AGMO: variants seen among roughly 807,000 people sequenced by gnomAD.
AGMO encodes alkylglycerol monooxygenase, also known as glyceryl-ether monooxygenase.
In AGMO, 75 loss-of-function variants were observed where a neutral mutation model predicts 60.2. The observed-to-expected ratio is 1.25, with a 90% CI of 1.03 to 1.51. The LOEUF is 1.51. Ranked by LOEUF, AGMO falls within the 40% of genes most tolerant of loss-of-function variation. The pLI is 0.00. For missense variants in AGMO, 763 were observed against 525.5 expected (o/e 1.45, Z -4.42); for synonymous variants, 261 against 177.1 (o/e 1.47, Z -3.76).
chr7:15,338,910 A>G (rs1238275876), intron 12 of AGMO, among the ~76,000 whole-genome samples: 1 of 152,204 alleles, frequency 6.6e-6, no homozygotes, highest in Non-Finnish European at 1.5e-5. Flanking sequence ...AACAATGTGG[A>G]CAGTAGAAGG....
chr7:15,145,668 T>C, the AGMO span, among the ~76,000 whole-genome samples: 3 of 152,166 alleles, frequency 2.0e-5, no homozygotes, highest in African/African-American at 7.2e-5. Context: ...CTTTTCACCT[T>C]TCACGTATTT....
intron 12 of AGMO, among the ~76,000 whole-genome samples, chr7:15,257,526 G>T (rs1783132315): frequency 6.6e-6 from 1 of 152,126 alleles, no homozygotes; most frequent in Non-Finnish European, 1.5e-5. Flanking sequence ...TATAAAAAAA[G>T]ATAAACTTCT....
intron 12 of AGMO, among the ~76,000 whole-genome samples, chr7:15,293,936 G>T (rs1366769714): frequency 6.6e-6 from 1 of 151,408 alleles, no homozygotes; most frequent in African/African-American, 2.5e-5. Context: ...ATGTTATTAG[G>T]TAAAGTTGAA....
At chr7:15,483,818 G>A (rs1782837137) in intron 3 of AGMO, among the ~76,000 whole-genome samples, 3 of 151,686 alleles carry the variant, frequency 2.0e-5, no homozygotes, top group African/African-American at 7.3e-5. Flanking sequence ...TTTTTTGAGG[G>A]ACTGTGCAAG....
Position 15,374,915 on chromosome 7 carries a change from T to C in AGMO, c.1075-8693A>G, listed in dbSNP as rs529576521. ...GTCAAGTCTTTAGCAAGTCAGCTCA[T>C]GCGTGATACCCTGAAGAAATTATCC... On this transcript the variant is annotated intron_variant, in intron 10 of 12. Transcript: ENST00000342526. Among the ~76,000 whole-genome samples the C allele has an allele frequency of 9.5e-4, 145 of 152,212 alleles. 1 individual carries two copies. Among genetic ancestry groups the C allele is most frequent in the Non-Finnish European group, 1.7e-3 (117 of 68,024 alleles).
chr7:15,418,404 T>C (rs1174404921), intron 5 of AGMO, among the ~76,000 whole-genome samples, 154 bp downstream of exon 5: 1 of 152,002 alleles, frequency 6.6e-6, no homozygotes, highest in Non-Finnish European at 1.5e-5. Flanking sequence ...GCAATATATA[T>C]TCACTAAAAA....
intron 12 of AGMO, among the ~76,000 whole-genome samples, chr7:15,320,406 T>C (rs1176878332): frequency 1.3e-5 from 2 of 152,108 alleles, no homozygotes. Context: ...TCTTTCCCAA[T>C]GTTTCTCATA....
intron 3 of AGMO, among the ~76,000 whole-genome samples, chr7:15,495,271 T>A (rs1440021616): frequency 1.3e-5 from 2 of 152,196 alleles, no homozygotes; most frequent in Non-Finnish European, 2.9e-5. Context: ...TTTCCCCTTC[T>A]CTTCTCAAAC....
At chr7:15,227,867 G>T (rs1019000947) in intron 12 of AGMO, among the ~76,000 whole-genome samples, 1 of 152,062 alleles carries the variant, frequency 6.6e-6, no homozygotes, top group Non-Finnish European at 1.5e-5. Context: ...CTGGACTTCT[G>T]CCTCTTTGTA....
chr7:15,547,974 C>G (rs747767795), intron 2 of AGMO, among the ~76,000 whole-genome samples: 46 of 147,170 alleles, frequency 3.1e-4, no homozygotes, highest in Non-Finnish European at 5.9e-4. Context: ...GATCTGAGAA[C>G]AGGCAGACTG....
chr7:15,242,744 G>C (rs998086460), intron 12 of AGMO, among the ~76,000 whole-genome samples: 5 of 152,006 alleles, frequency 3.3e-5, no homozygotes, highest in Non-Finnish European at 5.9e-5. Context: ...AAAAACTTCA[G>C]GGGAAAACAC....
intron 12 of AGMO, among the ~76,000 whole-genome samples, chr7:15,357,775 T>C (rs556065247): frequency 6.6e-6 from 1 of 152,230 alleles, no homozygotes; most frequent in Non-Finnish European, 1.5e-5. Flanking sequence ...GAGCTGATTA[T>C]GTGGAATACT....
chr7:15,319,317 T>C (rs1781035108), intron 12 of AGMO, among the ~76,000 whole-genome samples: 1 of 152,170 alleles, frequency 6.6e-6, no homozygotes, highest in African/African-American at 2.4e-5. Context: ...AGTTCAACTT[T>C]CATGAATATT....
chr7:15,334,105 A>G (rs889329774), intron 12 of AGMO, among the ~76,000 whole-genome samples: 1 of 152,084 alleles, frequency 6.6e-6, no homozygotes, highest in Admixed American at 6.6e-5. Flanking sequence ...ATATTTTCTT[A>G]TTACCTTTGA....
At chr7:15,366,304 C>A in intron 10 of AGMO, 82 bp from the exon 11 acceptor site, 1 of 1,017,014 alleles carries the variant, frequency 9.8e-7, no homozygotes, top group Non-Finnish European at 1.5e-6. Context: ...TACAAAACAG[C>A]CCAAATTTTA....
chr7:15,326,398 A>G (rs1370397715), intron 12 of AGMO, among the ~76,000 whole-genome samples: 5 of 152,196 alleles, frequency 3.3e-5, no homozygotes, highest in Non-Finnish European at 7.3e-5. Context: ...AAAAGTGAAC[A>G]TGACTTCTCT....
At chr7:15,463,706 A>G (rs1400369654) in intron 3 of AGMO, among the ~76,000 whole-genome samples, 1 of 152,162 alleles carries the variant, frequency 6.6e-6, no homozygotes, top group East Asian at 1.9e-4. Flanking sequence ...GGACAATGCA[A>G]TAATCATTTG....
chr7:15,276,364 A>G (rs547604933), intron 12 of AGMO, among the ~76,000 whole-genome samples: 5 of 152,226 alleles, frequency 3.3e-5, no homozygotes, highest in South Asian at 2.1e-4. Context: ...TAGGCTCCCA[A>G]GCTCTTCTGG....
intron 12 of AGMO, among the ~76,000 whole-genome samples, chr7:15,354,229 T>C (rs1186856522): frequency 6.7e-6 from 1 of 149,340 alleles, no homozygotes; most frequent in Non-Finnish European, 1.5e-5. Context: ...TCAGTTATTT[T>C]CTATGTACCA....
Sources: gnomAD v4.1 joint callset for allele counts (sites outside exome capture counted in the v4.1 genomes callset) on GRCh38, gnomAD v4.1.1 for gene constraint, MANE v1.5 for transcripts, NCBI Gene and HGNC (gene_info 2026-07-23, HGNC 2026-07-21) for gene names.